Variants in OSBPL10 observed in about 807,000 individuals in gnomAD.
OSBPL10 encodes oxysterol-binding protein-related protein 10.
In OSBPL10, 49 loss-of-function variants were observed where a neutral mutation model predicts 81.7. The ratio of observed to expected loss-of-function variants is 0.60; its 90% CI spans 0.48 to 0.76. The LOEUF (loss-of-function observed/expected upper bound fraction) is 0.76. Among genes scored for constraint, OSBPL10 ranks in the 30% least tolerant of loss-of-function variants. OSBPL10 has a pLI of 0.00. For missense variants in OSBPL10, 923 were observed against 987.8 expected (o/e 0.93, Z 0.88); for synonymous variants, 419 against 383.6 (o/e 1.09, Z -1.08).
At chr3:31,774,143 CAA>C (rs1227601236) in intron 4 of OSBPL10, among the ~76,000 whole-genome samples, 11 of 117,564 alleles carry the variant, frequency 9.4e-5, no homozygotes, top group African/African-American at 3.5e-4. Flanking sequence ...GCCTGGGCAA[CAA>C]GAGCAAAACT....
At chr3:31,805,411 C>G (rs529398851) in intron 4 of OSBPL10, among the ~76,000 whole-genome samples, 1 of 152,220 alleles carries the variant, frequency 6.6e-6, no homozygotes, top group South Asian at 2.1e-4. Flanking sequence ...GGGCTTCAAA[C>G]AGAAGATGGC....
In OSBPL10 at chr3:31,688,227, C is replaced by T. The variant is rs992368353; in HGVS notation, c.1246-4113G>A. Among the ~76,000 whole-genome samples, 7 of 151,574 alleles carry T rather than the reference C, an allele frequency of 4.6e-5. 2 individuals carry two copies. Among genetic ancestry groups the T allele is most frequent in the Admixed American group, 2.0e-4 (3 of 15,192 alleles). ...GCCCCCACCTCCCTCTGGTCTCACA[C>T]GATGTCCTGACTGACTGCCCCCATC... On this transcript the variant is annotated intron_variant, in intron 7 of 11. Transcript: ENST00000396556.
chr3:32,065,995 G>GAAAT, intron 1 of OSBPL10, among the ~76,000 whole-genome samples: 1 of 63,386 alleles, frequency 1.6e-5, no homozygotes, highest in Middle Eastern at 6.6e-3. Context: ...AAGAAAGAAA[G>GAAAT]AAAGAAAGAA....
intron 1 of OSBPL10, among the ~76,000 whole-genome samples, chr3:31,895,134 CTTTTTTTT>C (rs10529845): frequency 2.4e-5 from 3 of 124,894 alleles, no homozygotes; most frequent in African/African-American, 9.5e-5. Context: ...TCTCTGCGGC[CTTTTTTTT>C]TTTTTTTTTT....
rs138403416 is a variant in OSBPL10 at position 31,986,928 on chromosome 3, G to A, written n.298+59563C>T. The stretch of plus-strand genomic sequence containing the variant: ...AGGCTGAGCCAGGAGGATTGCTTGC[G>A]CCCAGAAATTTGAGGCTGCAGTGAG... On this transcript the variant is annotated intron_variant and non_coding_transcript_variant, in intron 2 of 3. Transcript: ENST00000479173. 2.8e-3 allele frequency among the ~76,000 whole-genome samples: 427 copies of A among 152,134 alleles called. 3 individuals are homozygous for A. Among genetic ancestry groups the A allele is most frequent in the African/African-American group, 9.2e-3 (383 of 41,528 alleles).
At chr3:31,970,385 C>A (rs532929798) in intron 1 of OSBPL10, among the ~76,000 whole-genome samples, 4 of 152,176 alleles carry the variant, frequency 2.6e-5, no homozygotes, top group East Asian at 1.9e-4. Context: ...TTCCAGCCAT[C>A]ATTTCCATAT....
intron 2 of OSBPL10, chr3:31,989,376 T>C: frequency 1.2e-6 from 2 of 1,614,172 alleles, no homozygotes; most frequent in Non-Finnish European, 1.7e-6. Flanking sequence ...ACATTGGAGA[T>C]TTTTGCTTCC....
At chr3:31,840,901 T>C (rs903046342) in intron 3 of OSBPL10, among the ~76,000 whole-genome samples, 4 of 152,200 alleles carry the variant, frequency 2.6e-5, no homozygotes, top group Non-Finnish European at 5.9e-5. Flanking sequence ...CTTGTTGTTG[T>C]TGTTGTTGTT....
At chr3:31,811,436 A>T (rs1006029703) in intron 4 of OSBPL10, among the ~76,000 whole-genome samples, 3 of 152,226 alleles carry the variant, frequency 2.0e-5, no homozygotes, top group African/African-American at 4.8e-5. Flanking sequence ...GCCTGCAGGT[A>T]AAGCCTTTGT....
At chr3:32,058,111 T>G (rs932286158) in intron 1 of OSBPL10, among the ~76,000 whole-genome samples, 6 of 152,196 alleles carry the variant, frequency 3.9e-5, no homozygotes, top group Non-Finnish European at 7.3e-5. Flanking sequence ...TAGTTTTACC[T>G]CATAAAAGAG....
chr3:31,876,540 T>C (rs1701476712), intron 2 of OSBPL10, 28 bp from the exon 3 acceptor site: 1 of 1,574,954 alleles, frequency 6.3e-7, no homozygotes, highest in Non-Finnish European at 8.7e-7. Context: ...GAGAAAGAAA[T>C]GATTGCAGAG....
At chr3:31,689,195 T>A (rs1477272863) in intron 7 of OSBPL10, among the ~76,000 whole-genome samples, 2 of 151,994 alleles carry the variant, frequency 1.3e-5, no homozygotes, top group African/African-American at 4.8e-5. Context: ...TGACTTGAAC[T>A]CTTCAGTATC....
chr3:31,763,428 C>T (rs570196614), intron 4 of OSBPL10, among the ~76,000 whole-genome samples: 1 of 152,178 alleles, frequency 6.6e-6, no homozygotes, highest in Non-Finnish European at 1.5e-5. Flanking sequence ...CACCTTTGTT[C>T]ACTCATACTC....
chr3:31,839,549 T>C (rs2125551213), intron 3 of OSBPL10, among the ~76,000 whole-genome samples: 1 of 152,232 alleles, frequency 6.6e-6, no homozygotes, highest in East Asian at 1.9e-4. Context: ...TTTCCAATTT[T>C]AGGTAGGTGG....
chr3:32,022,086 T>G (rs149791850), intron 2 of OSBPL10, among the ~76,000 whole-genome samples: 51 of 152,310 alleles, frequency 3.3e-4, no homozygotes, highest in Non-Finnish European at 7.1e-4. Context: ...GTCTTTTCAT[T>G]TTGTTAGTGG....
chr3:32,069,400 T>C (rs1187163834), intron 1 of OSBPL10, among the ~76,000 whole-genome samples: 1 of 151,978 alleles, frequency 6.6e-6, no homozygotes, highest in Non-Finnish European at 1.5e-5. Flanking sequence ...CAGGTATAGC[T>C]AGGCGAGATT....
At chr3:31,753,455 G>A (rs1008981577) in intron 4 of OSBPL10, among the ~76,000 whole-genome samples, 2 of 152,088 alleles carry the variant, frequency 1.3e-5, no homozygotes, top group African/African-American at 2.4e-5. Context: ...AAAGTGCTGG[G>A]ATTACAAGTG....
chr3:31,805,455 C>A (rs921148333), intron 4 of OSBPL10, among the ~76,000 whole-genome samples: 2 of 152,142 alleles, frequency 1.3e-5, no homozygotes, highest in Non-Finnish European at 2.9e-5. Context: ...CTAGTCAATG[C>A]AACTATGAAT....
chr3:31,950,554 CT>C (rs1207487357), intron 1 of OSBPL10, among the ~76,000 whole-genome samples: 3 of 152,204 alleles, frequency 2.0e-5, no homozygotes, highest in African/African-American at 7.2e-5. Context: ...TTAACATCAT[CT>C]TATAAAATGG....
Sources: allele counts gnomAD v4.1 joint callset (sites outside exome capture counted in the v4.1 genomes callset), GRCh38; gene constraint gnomAD v4.1.1; transcripts MANE v1.5; gene names NCBI Gene and HGNC (gene_info 2026-07-23, HGNC 2026-07-21).